Variants in STC2 observed in about 807,000 individuals in gnomAD.
STC2 encodes stanniocalcin 2.
In STC2, 7 loss-of-function variants were observed where a neutral mutation model predicts 22.7. That is an observed-to-expected ratio of 0.31 (90% CI 0.18 to 0.58). The LOEUF is 0.58. STC2 is among the 20% of genes least tolerant of loss of function. The probability of loss-of-function intolerance (pLI) is 0.89; values close to 1 mark genes in which losing one functional copy is unlikely to be tolerated. For missense variants in STC2, 336 were observed against 406.2 expected, an observed-to-expected ratio of 0.83 and a Z score of 1.48; for synonymous variants, 158 against 163.4, an observed-to-expected ratio of 0.97 and a Z score of 0.25.
intron 1 of STC2, 35 bp downstream of exon 1, chr5:173,328,008 C>T (rs1222302778): frequency 1.4e-6 from 2 of 1,433,132 alleles, no homozygotes; most frequent in Non-Finnish European, 1.8e-6. Context: ...TGTCCTCTCC[C>T]AGTAGCTCCC....
intron 1 of STC2, chr5:173,326,760 C>T (rs1280736306): frequency 6.6e-6 from 1 of 152,226 alleles, no homozygotes; most frequent in Non-Finnish European, 1.5e-5. Flanking sequence ...TGCAGCCCTT[C>T]ACCGAATGTG....
chr5:173,323,527 A>C lies in STC2; in HGVS notation c.295-97T>G, dbSNP rs762735383. 8.2e-7 allele frequency: 1 copy of C among 1,226,680 alleles called. No individual in the cohort carries two copies. The highest frequency in any genetic ancestry group is 1.1e-6 in the Non-Finnish European group (1 of 871,700). 76.0% of individuals were successfully genotyped at this position (1,226,680 alleles called of 1,614,324 possible). On this transcript the variant is annotated intron_variant, in intron 2 of 3. Transcript: ENST00000265087. This position sits in a 1 kb window ranked among gnomAD's most constrained non-coding sequence, Gnocchi z 5.4. ...TCAGCCCTTCTTGGGCTTACACAGG[A>C]TATTTCTGACATCAGAACCCCAAGG...
rs1304313587 is a variant in STC2 at position 173,316,449 on chromosome 5, A to T, written c.*1398T>A. ...AGGATAGGCTTTAATTTGATGGCCA[A>T]TTAGGAAGAAAAGGCCTATTTAGGT... On this transcript the variant is annotated 3_prime_UTR_variant, in exon 4 of 4. Coordinates refer to ENST00000265087, the MANE Select transcript of STC2 (RefSeq NM_003714.3). The T allele has an allele frequency of 6.6e-6, 1 of 151,986 alleles. No individual in the cohort carries two copies. Among genetic ancestry groups the T allele is most frequent in the Non-Finnish European group, 1.5e-5 (1 of 67,988 alleles). The allele number at this position is 151,986 out of a possible 1,614,324, so 9.4% of individuals were successfully genotyped here.
chr5:173,315,655 G>A lies in STC2; in HGVS notation c.*2192C>T, dbSNP rs1426347967. On this transcript the variant is annotated 3_prime_UTR_variant, in exon 4 of 4. Transcript: ENST00000265087. ...GAACAGCTGACTCAGCAACGCAGGA[G>A]AATGTTATTGCTTTAGCTTTTGAGT... is the stretch of plus-strand genomic sequence containing the variant. 1.3e-5 allele frequency: 2 copies of A among 152,248 alleles called. No individual in the cohort carries two copies. The highest frequency in any genetic ancestry group is 3.8e-4 in the East Asian group (2 of 5,196). The allele number at this position is 152,248 out of a possible 1,614,324, so 9.4% of individuals were successfully genotyped here.
intron 3 of STC2, among the ~76,000 whole-genome samples, chr5:173,321,996 T>G (rs1006483691): frequency 6.6e-6 from 1 of 152,220 alleles, no homozygotes; most frequent in Non-Finnish European, 1.5e-5. Flanking sequence ...AATTGTATGA[T>G]TCTAACACTG....
chr5:173,318,294 G>C, intron 3 of STC2, 45 bp from the exon 4 acceptor site: 1 of 1,370,538 alleles, frequency 7.3e-7, no homozygotes, highest in Non-Finnish European at 9.5e-7. Context: ...GAGAGAGAGA[G>C]AGAGAGGCTG....
At chr5:173,319,187 C>T (rs147461471) in intron 3 of STC2, among the ~76,000 whole-genome samples, 115 of 152,306 alleles carry the variant, frequency 7.6e-4, no homozygotes, top group African/African-American at 2.5e-3. Flanking sequence ...TAATTTACTC[C>T]AGGGGGTGGA....
At chr5:173,327,067 G>A in intron 1 of STC2, among the ~76,000 whole-genome samples, 1 of 150,202 alleles carries the variant, frequency 6.7e-6, no homozygotes, top group East Asian at 2.0e-4. Context: ...GGGTCTCGGG[G>A]TGGTGGGGGT....
chr5:173,327,933 G>C, intron 1 of STC2, 110 bp downstream of exon 1: 10 of 1,335,178 alleles, frequency 7.5e-6, no homozygotes, highest in Non-Finnish European at 8.8e-6. Flanking sequence ...CCAAGAGTTT[G>C]CGTGGCCCTG....
intron 3 of STC2, among the ~76,000 whole-genome samples, chr5:173,321,192 T>C (rs1212659997): frequency 2.0e-5 from 3 of 150,782 alleles, no homozygotes; most frequent in Non-Finnish European, 4.4e-5. Flanking sequence ...AAGGAGACAC[T>C]AGAACGCCAG....
Position 173,326,085 on chromosome 5 carries a change from T to TG in STC2, c.152-76_152-75insC, listed in dbSNP as rs1354216102. The TG allele has an allele frequency of 1.8e-5, 27 of 1,515,978 alleles. No individual in the cohort carries two copies. The East Asian group carries it at 2.5e-4, about 14-fold the overall frequency. 93.9% of individuals were successfully genotyped at this position (1,515,978 alleles called of 1,614,324 possible). Reference sequence around the variant, plus strand: ...GGCAATGCAGAGAGGTCATTTGAAATAAAAGTTAACAACTAAAGGAAAATT... The same window carrying TG: ...GGCAATGCAGAGAGGTCATTTGAAATGAAAAGTTAACAACTAAAGGAAAATT... On this transcript the variant is annotated intron_variant, in intron 1 of 3. Coordinates refer to ENST00000265087, the MANE Select transcript of STC2 (RefSeq NM_003714.3).
chr5:173,323,569 C>T lies in STC2; in HGVS notation c.295-139G>A, dbSNP rs568179846. 76 of 830,282 alleles carry T rather than the reference C, an allele frequency of 9.2e-5. No homozygotes were observed. Among genetic ancestry groups the T allele is most frequent in the Middle Eastern group, 3.5e-4 (1 of 2,870 alleles). The allele number at this position is 830,282 out of a possible 1,614,324, so 51.4% of individuals were successfully genotyped here. A position where few individuals can be genotyped will look rare whatever the true frequency, so the allele number is the denominator to read the frequency against. On this transcript the variant is annotated intron_variant, in intron 2 of 3. Coordinates refer to ENST00000265087, the MANE Select transcript of STC2 (RefSeq NM_003714.3). The surrounding 1 kb of genome is among the most constrained non-coding windows in gnomAD (Gnocchi z 5.4). The stretch of plus-strand genomic sequence containing the variant: ...ACCCCAAGGCCCCACCAGAGACGGA[C>T]GTCCTCCCAGGTGACAGGCAATGCG...
chr5:173,317,927 C>A lies in STC2; in HGVS notation c.829G>T (p.Gly277Trp). Residue 277 changes from glycine (G) to tryptophan (W), a missense_variant, in exon 4 of 4, where the codon GGG (glycine) becomes TGG (tryptophan). By Grantham distance (184) the Gly-to-Trp change is radical (BLOSUM62 -2). This residue lies in a region of STC2 where 215 missense variants were observed against 231.5 expected (regional missense o/e 0.93). Coordinates refer to ENST00000265087, the MANE Select transcript of STC2 (RefSeq NM_003714.3). ...HPNAHARGRV[G>W]GLGAQGPSGS... is the part of the protein sequence containing the mutation. Reference sequence around the variant, plus strand: ...GAAGGTCCCTGAGCCCCAAGGCCCCCGACTCTGCCTCGGGCATGGGCGTTT... The same window carrying A: ...GAAGGTCCCTGAGCCCCAAGGCCCCAGACTCTGCCTCGGGCATGGGCGTTT... The A allele has an allele frequency of 6.2e-7, 1 of 1,613,294 alleles. No homozygotes were observed. The highest frequency in any genetic ancestry group is 1.1e-5 in the South Asian group (1 of 91,016).
chr5:173,325,794 C>T lies in STC2; in HGVS notation c.294+74G>A. 1 of 1,599,720 alleles carries T rather than the reference C, an allele frequency of 6.3e-7. No homozygotes were observed. Among genetic ancestry groups the T allele is most frequent in the Non-Finnish European group, 8.6e-7 (1 of 1,169,500 alleles). The stretch of plus-strand genomic sequence containing the variant: ...AGGAACAGCAAAGGAAGTTGGTTAA[C>T]AAGGCTTTCCAATGAACGTTTCAAT... On this transcript the variant is annotated intron_variant, in intron 2 of 3. Transcript: ENST00000265087. This position sits in a 1 kb window ranked among gnomAD's most constrained non-coding sequence, Gnocchi z 4.7.
rs1356112528 is a variant in STC2, at chr5:173,325,141, G to T, written c.294+727C>A. Among the ~76,000 whole-genome samples, 1 of 152,210 alleles carries T rather than the reference G, an allele frequency of 6.6e-6. No homozygotes were observed. The highest frequency in any genetic ancestry group is 6.5e-5 in the Admixed American group (1 of 15,280). ...TATAGTAACAGGGCGTTTCAACAGG[G>T]CATATAAGTGGCCAGGGAGAACACG... On this transcript the variant is annotated intron_variant, in intron 2 of 3. Coordinates refer to ENST00000265087, the MANE Select transcript of STC2 (RefSeq NM_003714.3). This position sits in a 1 kb window ranked among gnomAD's most constrained non-coding sequence, Gnocchi z 4.7.
intron 3 of STC2, among the ~76,000 whole-genome samples, chr5:173,320,737 G>A (rs1762474749): frequency 6.6e-6 from 1 of 151,448 alleles, no homozygotes; most frequent in Admixed American, 6.6e-5. Flanking sequence ...GTTGAAGAAT[G>A]GGGGTGGTGC....
Position 173,318,265 on chromosome 5 carries a change from AAAG to A in STC2, c.507-19_507-17del. The A allele has an allele frequency of 1.5e-6, 2 of 1,368,930 alleles. No individual in the cohort carries two copies. The highest frequency in any genetic ancestry group is 1.9e-6 in the Non-Finnish European group (2 of 1,054,790). 84.8% of individuals were successfully genotyped at this position (1,368,930 alleles called of 1,614,324 possible). ...CACGTAGGGTCTAAAGATTGAAAGC[AAAG>A]AGAGAGAGAGAGAGAGAGAGAGAGA... On this transcript the variant is annotated splice_polypyrimidine_tract_variant and intron_variant, in intron 3 of 3. Coordinates refer to ENST00000265087, the MANE Select transcript of STC2 (RefSeq NM_003714.3).
intron 1 of STC2, 30 bp downstream of exon 1, chr5:173,328,013 G>C (rs779040626): frequency 1.4e-6 from 2 of 1,439,716 alleles, no homozygotes. Context: ...TCTCCCAGTA[G>C]CTCCCGGCTG....
chr5:173,319,263 C>G (rs374711848), intron 3 of STC2, among the ~76,000 whole-genome samples: 1 of 152,152 alleles, frequency 6.6e-6, no homozygotes, highest in South Asian at 2.1e-4. Context: ...AAAGAGTGTC[C>G]CCAGCAATGG....
Sources: allele counts gnomAD v4.1 joint callset (sites outside exome capture counted in the v4.1 genomes callset), GRCh38; gene constraint gnomAD v4.1.1; regional missense constraint gnomAD v4.1.1; non-coding constraint Gnocchi (gnomAD v3.1); transcripts MANE v1.5; gene names NCBI Gene and HGNC (gene_info 2026-07-23, HGNC 2026-07-21).